The following SLC9A7 variants were observed in gnomAD, a reference collection of about 807,000 sequenced individuals.
SLC9A7 encodes solute carrier family 9 member A7.
SLC9A7 carries 19 observed loss-of-function variants against 52.6 expected under a neutral mutation model. The ratio of observed to expected loss-of-function variants is 0.36; its 90% CI spans 0.25 to 0.53. SLC9A7 has a LOEUF of 0.53. SLC9A7 is among the 20% of genes least tolerant of loss of function. The pLI is 0.91. For synonymous variants in SLC9A7, 226 were observed against 252.1 expected (o/e 0.90, Z 0.98); for missense variants, 455 against 597.9 (o/e 0.76, Z 2.49).
chrX:46,664,244 A>T (rs1387332706), intron 5 of SLC9A7, among the ~76,000 whole-genome samples: 2 of 111,410 alleles, frequency 1.8e-5, no homozygotes, highest in Non-Finnish European at 3.8e-5. Context: ...TGTCAGGAAG[A>T]GGGCAGAGAG....
At chrX:46,665,564 A>AAAAAAAAAAAAAAAAG (rs1462917271) in intron 5 of SLC9A7, among the ~76,000 whole-genome samples, 1 of 108,919 alleles carries the variant, frequency 9.2e-6, no homozygotes. Context: ...TCTCAAAAAA[A>AAAAAAAAAAAAAAAAG]AAAAAAAAAA....
chrX:46,670,399 G>A (rs1943999553), intron 4 of SLC9A7, among the ~76,000 whole-genome samples: 1 of 111,497 alleles, frequency 9.0e-6, no homozygotes, highest in South Asian at 3.8e-4. Context: ...TCAGCTTGGT[G>A]GAAGCACATT....
chrX:46,672,567 A>G lies in SLC9A7; in HGVS notation c.664T>C (p.Ser222Pro), dbSNP rs1944041643. The G allele has an allele frequency of 8.3e-7, 1 of 1,207,277 alleles. No individual in the cohort carries two copies. Residue 222 changes from serine (S) to proline (P), a missense_variant, in exon 4 of 17, where the codon TCA (serine) becomes CCA (proline). Physicochemically the swap from Ser to Pro is moderately conservative, Grantham distance 74. This residue lies in a region of SLC9A7 where 304 missense variants were observed against 417.8 expected (regional missense o/e 0.73). Transcript: ENST00000616978. ...LAYAFLGTAV[S>P]CFIIGNLMYG... ...TTCACTTACCCAATAATGAAGCATG[A>G]AACAGCAGTCCCCAAGAAGGCATAG...
At chrX:46,707,313 A>T (rs906923379) in intron 1 of SLC9A7, among the ~76,000 whole-genome samples, 3 of 112,212 alleles carry the variant, frequency 2.7e-5, no homozygotes, top group African/African-American at 9.7e-5. Flanking sequence ...AGGACATGAA[A>T]TCCATTTTAG....
intron 11 of SLC9A7, among the ~76,000 whole-genome samples, chrX:46,645,255 C>T (rs1270725497): frequency 8.9e-6 from 1 of 112,275 alleles, no homozygotes; most frequent in Non-Finnish European, 1.9e-5. Context: ...ACTAATCTTC[C>T]TCTTGTCCAC....
At chrX:46,620,161 C>A (rs1943020309) in intron 15 of SLC9A7, among the ~76,000 whole-genome samples, 1 of 111,861 alleles carries the variant, frequency 8.9e-6, no homozygotes, top group African/African-American at 3.3e-5. Flanking sequence ...TGGCTCATGC[C>A]TGTAATCCCA....
chrX:46,696,022 C>T (rs1449536019), intron 1 of SLC9A7, among the ~76,000 whole-genome samples: 1 of 110,488 alleles, frequency 9.1e-6, no homozygotes, highest in African/African-American at 3.3e-5. Context: ...GTCTCACTCT[C>T]TTGCCCAAGC....
At chrX:46,615,293 G>A (rs1942927342) in intron 15 of SLC9A7, among the ~76,000 whole-genome samples, 2 of 112,055 alleles carry the variant, frequency 1.8e-5, no homozygotes, top group Admixed American at 9.4e-5. Context: ...CACTCGCCTC[G>A]GCCTCCCAAA....
chrX:46,738,810 A>G (rs188555763), intron 1 of SLC9A7, among the ~76,000 whole-genome samples: 1 of 110,034 alleles, frequency 9.1e-6, no homozygotes, highest in East Asian at 2.8e-4. Context: ...ACCAAATAGC[A>G]TTGATTCAGA....
At chrX:46,642,130 CAG>C (rs900569427) in intron 12 of SLC9A7, among the ~76,000 whole-genome samples, 1 of 111,905 alleles carries the variant, frequency 8.9e-6, no homozygotes, top group African/African-American at 3.2e-5. Context: ...ACAAAAACCC[CAG>C]ACACAGGAGA....
chrX:46,720,505 C>A (rs2146955677), intron 1 of SLC9A7, among the ~76,000 whole-genome samples: 1 of 110,419 alleles, frequency 9.1e-6, no homozygotes, highest in South Asian at 4.0e-4. Context: ...AGACTAATTT[C>A]TCTGAATCAC....
At chrX:46,676,083 T>C (rs1410295284) in intron 3 of SLC9A7, among the ~76,000 whole-genome samples, 1 of 111,355 alleles carries the variant, frequency 9.0e-6, no homozygotes, top group East Asian at 2.8e-4. Flanking sequence ...CTGGTAAATA[T>C]GAGTGTTTCC....
intron 5 of SLC9A7, among the ~76,000 whole-genome samples, chrX:46,666,727 T>A (rs1398250908): frequency 8.9e-6 from 1 of 112,193 alleles, no homozygotes; most frequent in Non-Finnish European, 1.9e-5. Flanking sequence ...AGCCTCTCTA[T>A]CCAATTAAAT....
At chrX:46,668,154 G>A (rs1452976926) in intron 5 of SLC9A7, among the ~76,000 whole-genome samples, 1 of 112,449 alleles carries the variant, frequency 8.9e-6, no homozygotes, top group Non-Finnish European at 1.9e-5. Context: ...GCAACACTGG[G>A]AAAGAAGAAA....
intron 1 of SLC9A7, among the ~76,000 whole-genome samples, chrX:46,724,141 C>CTT (rs112964365): frequency 9.4e-6 from 1 of 106,799 alleles, no homozygotes; most frequent in African/African-American, 3.4e-5. Flanking sequence ...ATTAATTCCA[C>CTT]TTTTTTTTTT....
chrX:46,623,542 A>G (rs995197227), intron 14 of SLC9A7, among the ~76,000 whole-genome samples: 11 of 111,285 alleles, frequency 9.9e-5, no homozygotes, highest in African/African-American at 2.9e-4. Context: ...ATAGCACTCC[A>G]AGAAGTGTAG....
At chrX:46,741,406 T>C (rs1921341234) in intron 1 of SLC9A7, among the ~76,000 whole-genome samples, 1 of 111,748 alleles carries the variant, frequency 8.9e-6, no homozygotes, top group African/African-American at 3.2e-5. Flanking sequence ...GTAAGAAAGA[T>C]GGTGTGGTAT....
At chrX:46,711,956 T>C (rs1182271813) in intron 1 of SLC9A7, among the ~76,000 whole-genome samples, 9 of 105,288 alleles carry the variant, frequency 8.5e-5, no homozygotes, top group Non-Finnish European at 1.7e-4. Flanking sequence ...TGATATCCTA[T>C]TGGCCAAGTA....
intron 7 of SLC9A7, among the ~76,000 whole-genome samples, chrX:46,659,986 T>A (rs1490065248): frequency 1.8e-5 from 2 of 110,677 alleles, no homozygotes; most frequent in Non-Finnish European, 3.8e-5. Flanking sequence ...AAGGCTACAG[T>A]AACCAAAACA....
Sources: allele counts gnomAD v4.1 joint callset (sites outside exome capture counted in the v4.1 genomes callset), GRCh38; gene constraint gnomAD v4.1.1; regional missense constraint gnomAD v4.1.1; transcripts MANE v1.5; gene names NCBI Gene and HGNC (gene_info 2026-07-23, HGNC 2026-07-21).